BRI3BP: variants seen among roughly 807,000 people sequenced by gnomAD.
BRI3BP encodes the protein BRI3 binding protein, also known as BRI3-binding protein.
In BRI3BP, 7 loss-of-function variants were observed where a neutral mutation model predicts 15.8. The ratio of observed to expected loss-of-function variants is 0.44; its 90% CI spans 0.25 to 0.83. The LOEUF is 0.83. BRI3BP is among the 40% of genes least tolerant of loss of function. The pLI is 0.20. For synonymous variants in BRI3BP, 192 were observed against 163.5 expected (o/e 1.17, Z -1.33); for missense variants, 320 against 339.3 (o/e 0.94, Z 0.45).
chr12:125,036,204 A>ACC (rs1955439331), downstream of BRI3BP, among the ~76,000 whole-genome samples: 1 of 152,126 alleles, frequency 6.6e-6, no homozygotes, highest in African/African-American at 2.4e-5. Flanking sequence ...AGCTGGGATT[A>ACC]CAGACACACA....
chr12:124,995,164 C>T (rs1036992440), intron 1 of BRI3BP, among the ~76,000 whole-genome samples: 1 of 152,164 alleles, frequency 6.6e-6, no homozygotes, highest in African/African-American at 2.4e-5. Flanking sequence ...TTTTGACCTC[C>T]CTCTCCTGTG....
chr12:125,016,577 G>C (rs1419345789), intron 2 of BRI3BP, among the ~76,000 whole-genome samples: 1 of 151,974 alleles, frequency 6.6e-6, no homozygotes, highest in Non-Finnish European at 1.5e-5. Flanking sequence ...CCAAGCTGAA[G>C]TGCAATGGCG....
chr12:125,050,921 G>A, the BRI3BP span, among the ~76,000 whole-genome samples: 7 of 152,278 alleles, frequency 4.6e-5, no homozygotes, highest in South Asian at 2.1e-4. Flanking sequence ...TCCCTTCACC[G>A]TATGTGCCAG....
chr12:125,036,218 C>CCGTGCCCAGCTA (rs1565910075), downstream of BRI3BP, among the ~76,000 whole-genome samples: 6 of 85,084 alleles, frequency 7.1e-5, no homozygotes, highest in Non-Finnish European at 1.1e-4. Context: ...ACACACACCA[C>CCGTGCCCAGCTA]TACACCTGGC....
chr12:124,994,101 C>G, intron 1 of BRI3BP, 98 bp downstream of exon 1: 1 of 850,504 alleles, frequency 1.2e-6, no homozygotes, highest in Non-Finnish European at 1.5e-6. Context: ...CGGGGCTGCC[C>G]GCCCGGCCAG....
the BRI3BP span, among the ~76,000 whole-genome samples, chr12:125,048,587 T>C: frequency 6.6e-6 from 1 of 151,778 alleles, no homozygotes. Flanking sequence ...CATTAGGAGA[T>C]ATACCTAATG....
chr12:124,996,777 G>A (rs1292596282), intron 1 of BRI3BP, among the ~76,000 whole-genome samples: 2 of 113,632 alleles, frequency 1.8e-5, no homozygotes, highest in African/African-American at 3.6e-5. Context: ...TTTTTTTTCC[G>A]AGATGGAGTA....
chr12:125,021,651 G>A (rs1955299795), intron 2 of BRI3BP, among the ~76,000 whole-genome samples: 3 of 152,224 alleles, frequency 2.0e-5, no homozygotes, highest in South Asian at 2.1e-4. Flanking sequence ...CAGGAAACTT[G>A]TAATCATGGC....
intron 2 of BRI3BP, among the ~76,000 whole-genome samples, chr12:125,021,043 CTG>C (rs1955294614): frequency 6.6e-6 from 1 of 152,154 alleles, no homozygotes; most frequent in Non-Finnish European, 1.5e-5. Flanking sequence ...GGTCTTGAGA[CTG>C]AGAGGTCTGG....
rs538548750 is a variant in BRI3BP, at chr12:125,020,672, C to T, written c.317-4319C>T. ...GGTTGAGGCAGATGGATTGCTTAAG[C>T]CCAGGAGTTTGAGACCATCCTTGGC... On this transcript the variant is annotated intron_variant, in intron 2 of 2. Transcript: ENST00000341446. Among the ~76,000 whole-genome samples the T allele has an allele frequency of 2.0e-5, 3 of 152,220 alleles. No individual in the cohort carries two copies. The South Asian group carries it at 6.2e-4, about 32-fold the overall frequency.
intron 2 of BRI3BP, among the ~76,000 whole-genome samples, chr12:125,020,104 C>T (rs550554795): frequency 1.9e-4 from 29 of 151,748 alleles, no homozygotes; most frequent in African/African-American, 3.1e-4. Context: ...CCACTATGCC[C>T]GGCTAATTTT....
intron 1 of BRI3BP, among the ~76,000 whole-genome samples, chr12:125,005,200 C>T (rs1390018457): frequency 2.0e-5 from 3 of 152,158 alleles, no homozygotes; most frequent in African/African-American, 7.2e-5. Flanking sequence ...ATGTTTTTCT[C>T]ATAATGAGAC....
intron 1 of BRI3BP, among the ~76,000 whole-genome samples, chr12:125,008,374 G>A (rs1385171055): frequency 6.8e-6 from 1 of 147,710 alleles, no homozygotes; most frequent in African/African-American, 2.5e-5. Context: ...GTGCAGTGGC[G>A]CGATCTCGGC....
At chr12:125,013,552 A>G (rs1288878557) in intron 2 of BRI3BP, among the ~76,000 whole-genome samples, 1 of 152,232 alleles carries the variant, frequency 6.6e-6, no homozygotes, top group Admixed American at 6.5e-5. Flanking sequence ...GGGAACTGCC[A>G]GGTGGAACTT....
intron 2 of BRI3BP, among the ~76,000 whole-genome samples, chr12:125,022,653 G>A (rs11057996): frequency 0.48 from 71,695 of 150,884 alleles, 18,857 homozygotes; most frequent in African/African-American, 0.69. Context: ...CAGCCTCCCA[G>A]GTAGCTTGGA....
chr12:125,012,401 C>T, intron 1 of BRI3BP, 133 bp from the exon 2 acceptor site: 1 of 718,730 alleles, frequency 1.4e-6, no homozygotes, highest in Non-Finnish European at 2.5e-6. Context: ...GGCCAGTAGT[C>T]CACATGTGTG....
chr12:125,019,660 C>CTTTTTT (rs1955278838), intron 2 of BRI3BP, among the ~76,000 whole-genome samples: 39 of 24,722 alleles, frequency 1.6e-3, no homozygotes, highest in African/African-American at 3.2e-3. Flanking sequence ...TTTTTTTTGC[C>CTTTTTT]TTTTTTGCTG....
intron 2 of BRI3BP, among the ~76,000 whole-genome samples, chr12:125,024,693 G>A (rs573905977): frequency 4.3e-4 from 66 of 152,196 alleles, no homozygotes; most frequent in African/African-American, 1.5e-3. Flanking sequence ...CAGCTACCCC[G>A]GAGGCTGAGA....
intron 2 of BRI3BP, among the ~76,000 whole-genome samples, chr12:125,022,541 A>ATTTTATTTTTTTTTTTTT (rs1955309225): frequency 7.2e-6 from 1 of 139,404 alleles, no homozygotes; most frequent in African/African-American, 2.9e-5. Context: ...TTATTTATTT[A>ATTTTATTTTTTTTTTTTT]TTTTTTGAGA....
Sources: allele counts gnomAD v4.1 joint callset (sites outside exome capture counted in the v4.1 genomes callset), GRCh38; gene constraint gnomAD v4.1.1; transcripts MANE v1.5; gene names NCBI Gene and HGNC (gene_info 2026-07-23, HGNC 2026-07-21).